The following SLC12A4 variants were observed in gnomAD, a reference collection of about 807,000 sequenced individuals.
SLC12A4 encodes solute carrier family 12 member 4.
A neutral mutation model predicts 119.2 loss-of-function variants in SLC12A4; 84 were observed. That is an observed-to-expected ratio of 0.70 (90% CI 0.59 to 0.85). The LOEUF is 0.85. Ranked by LOEUF, SLC12A4 falls within the 40% of genes least tolerant of loss-of-function variation. SLC12A4 has a pLI of 0.00. For missense variants in SLC12A4, 1,298 were observed against 1,476.3 expected (o/e 0.88, Z 1.98); for synonymous variants, 599 against 604.6 (o/e 0.99, Z 0.14).
rs780567710 is a variant in SLC12A4, at chr16:67,950,029, C to T, written c.1630-111G>A. Reference sequence around the variant, plus strand: ...CAGGGCCCGCCTTGGGGGCTCAGGCCGCCCCTGTGTCTATCCCTATGGGTG... The same window carrying T: ...CAGGGCCCGCCTTGGGGGCTCAGGCTGCCCCTGTGTCTATCCCTATGGGTG... On this transcript the variant is annotated intron_variant, in intron 12 of 23. Coordinates refer to ENST00000316341, the MANE Select transcript of SLC12A4 (RefSeq NM_005072.5). This position sits in a 1 kb window ranked among gnomAD's most constrained non-coding sequence, Gnocchi z 4.3. The T allele has an allele frequency of 9.4e-6, 8 of 849,064 alleles. No homozygotes were observed. Among genetic ancestry groups the T allele is most frequent in the South Asian group, 1.5e-5 (1 of 68,414 alleles). The allele number at this position is 849,064 out of a possible 1,614,324, so 52.6% of individuals were successfully genotyped here.
At chr16:67,948,039 C>G (rs369899736) in intron 14 of SLC12A4, 22 bp downstream of exon 14, 8 of 1,610,942 alleles carry the variant, frequency 5.0e-6, no homozygotes, top group Middle Eastern at 3.3e-4. Context: ...CCAGGGTCTC[C>G]CGTGTCAGAG....
Position 67,944,995 on chromosome 16 carries a change from A to C in SLC12A4, c.3167-64T>G. 6.2e-7 allele frequency: 1 copy of C among 1,610,132 alleles called. No homozygotes were observed. Among genetic ancestry groups the C allele is most frequent in the African/African-American group, 1.3e-5 (1 of 74,988 alleles). On this transcript the variant is annotated intron_variant, in intron 23 of 23. Coordinates refer to ENST00000316341, the MANE Select transcript of SLC12A4 (RefSeq NM_005072.5). The surrounding 1 kb of genome is among the most constrained non-coding windows in gnomAD (Gnocchi z 6.6). ...ACGGGCAACCCGGGCCACCTGGGCCATGCCCACCCAGGGGTGCCCAGGAGA... is the reference window on the plus strand; with the variant it reads ...ACGGGCAACCCGGGCCACCTGGGCCCTGCCCACCCAGGGGTGCCCAGGAGA...
chr16:67,953,879 T>C (rs749090103), intron 6 of SLC12A4, among the ~76,000 whole-genome samples: 16 of 152,086 alleles, frequency 1.1e-4, no homozygotes, highest in Non-Finnish European at 2.1e-4. Context: ...CATGGCTGAA[T>C]AGATAAACAG....
chr16:67,966,954 C>T (rs2030896029), intron 1 of SLC12A4: 8 of 1,372,306 alleles, frequency 5.8e-6, no homozygotes, highest in Admixed American at 2.8e-5. Context: ...AGCAGCTAGG[C>T]TCAGCTCTGC....
chr16:67,945,995 G>A lies in SLC12A4; in HGVS notation c.2695C>T (p.Leu899=). The A allele has an allele frequency of 1.9e-6, 3 of 1,614,132 alleles. No individual in the cohort carries two copies. Among genetic ancestry groups the A allele is most frequent in the Middle Eastern group, 1.6e-4 (1 of 6,062 alleles). Residue 899 remains leucine, a synonymous_variant, in exon 20 of 24, where the codon CTG becomes TTG. Transcript: ENST00000316341. ...TCGGCCTCAAGGCGCAGATGGTACA[G>A]AAAGACAGCCAGGTCCTTCTTCATC... ...IQMKKDLAVF[L]YHLRLEAEVE...
chr16:67,961,546 T>C (rs372821583), intron 3 of SLC12A4, 29 bp downstream of exon 3: 3 of 1,608,110 alleles, frequency 1.9e-6, no homozygotes, highest in Non-Finnish European at 2.5e-6. Context: ...TTCCCAGGTG[T>C]GGCCCCTCTG....
In SLC12A4 at chr16:67,950,507, C is replaced by T. The variant is rs749890767; in HGVS notation, c.1455-14G>A. The T allele has an allele frequency of 1.2e-6, 2 of 1,613,722 alleles. No homozygotes were observed. The highest frequency in any genetic ancestry group is 1.7e-5 in the Admixed American group (1 of 60,000). On this transcript the variant is annotated splice_polypyrimidine_tract_variant and intron_variant, in intron 11 of 23. Transcript: ENST00000316341. The surrounding 1 kb of genome is among the most constrained non-coding windows in gnomAD (Gnocchi z 4.3). The stretch of plus-strand genomic sequence containing the variant: ...CCATCGCCATACCTGCAGGGGCCAC[C>T]AGAGTGAGGGATGTCAGGGGTCCGG...
At chr16:67,954,814 T>C in intron 5 of SLC12A4, 41 bp from the exon 6 acceptor site, 1 of 1,612,120 alleles carries the variant, frequency 6.2e-7, no homozygotes, top group Non-Finnish European at 8.5e-7. Flanking sequence ...TCAAGGCTGG[T>C]TCTTCTTCAA....
chr16:67,947,303 C>T (rs763922261), intron 16 of SLC12A4, 28 bp downstream of exon 16: 8 of 1,603,808 alleles, frequency 5.0e-6, no homozygotes, highest in Non-Finnish European at 6.8e-6. Context: ...AACCTCTGCG[C>T]CCTGGCCAGG....
At position 67,949,772 on chromosome 16, in the gene SLC12A4, C is replaced by T; in HGVS notation, c.1748+28G>A. 6.7e-7 allele frequency: 1 copy of T among 1,498,822 alleles called. No individual in the cohort carries two copies. The highest frequency in any genetic ancestry group is 1.7e-4 in the Middle Eastern group (1 of 5,780). 92.8% of individuals were successfully genotyped at this position (1,498,822 alleles called of 1,614,324 possible). A position where few individuals can be genotyped will look rare whatever the true frequency, so the allele number is the denominator to read the frequency against. On this transcript the variant is annotated intron_variant, in intron 13 of 23. Coordinates refer to ENST00000316341, the MANE Select transcript of SLC12A4 (RefSeq NM_005072.5). The surrounding 1 kb of genome is among the most constrained non-coding windows in gnomAD (Gnocchi z 4.6). ...TGGGGTTCAGGAAGCCTTTCCCCATCCCCCTGCCCTGCCCGGCCCCAGCTC... is the reference window on the plus strand; with the variant it reads ...TGGGGTTCAGGAAGCCTTTCCCCATTCCCCTGCCCTGCCCGGCCCCAGCTC...
Position 67,952,716 on chromosome 16 carries a change from G to A in SLC12A4, c.676-291C>T, listed in dbSNP as rs549382455. 6.3e-3 allele frequency among the ~76,000 whole-genome samples: 962 copies of A among 152,066 alleles called. 11 individuals carry two copies. The highest frequency in any genetic ancestry group is 0.022 in the African/African-American group (917 of 41,452). ...AGGCAGGAGGATCGCCTGAATCCAG[G>A]AAGCAGAGGTTGCAGTGAGCAGAGA... On this transcript the variant is annotated intron_variant, in intron 6 of 23. Coordinates refer to ENST00000316341, the MANE Select transcript of SLC12A4 (RefSeq NM_005072.5).
rs774828713 is a variant in SLC12A4, at chr16:67,949,188, G to A, written c.1748+612C>T. Among the ~76,000 whole-genome samples the A allele has an allele frequency of 6.6e-6, 1 of 152,180 alleles. No individual in the cohort carries two copies. Among genetic ancestry groups the A allele is most frequent in the Non-Finnish European group, 1.5e-5 (1 of 68,040 alleles). On this transcript the variant is annotated intron_variant, in intron 13 of 23. Transcript: ENST00000316341. This position sits in a 1 kb window ranked among gnomAD's most constrained non-coding sequence, Gnocchi z 4.6. ...GGATGGGTTGGGCATGGTGGCTCACGCCTGTAATCCCAGCACTTTGGGAGG... is the reference window on the plus strand; with the variant it reads ...GGATGGGTTGGGCATGGTGGCTCACACCTGTAATCCCAGCACTTTGGGAGG...
At chr16:67,960,384 G>C (rs928264622) in intron 3 of SLC12A4, among the ~76,000 whole-genome samples, 1 of 152,258 alleles carries the variant, frequency 6.6e-6, no homozygotes, top group Middle Eastern at 3.4e-3. Flanking sequence ...GGCTGCACAG[G>C]GTCAGGGTCA....
At chr16:67,966,988 C>T in intron 1 of SLC12A4, 1 of 1,082,234 alleles carries the variant, frequency 9.2e-7, no homozygotes, top group Non-Finnish European at 1.3e-6. Flanking sequence ...CAGGCTGATC[C>T]TGGGGATGCA....
chr16:67,968,339 C>A, intron 1 of SLC12A4, 100 bp downstream of exon 1: 2 of 1,070,336 alleles, frequency 1.9e-6, no homozygotes. Flanking sequence ...CCGACGTGTG[C>A]GCGCAAGGTC....
intron 5 of SLC12A4, chr16:67,957,521 T>C (rs1056181276): frequency 5.1e-6 from 3 of 588,122 alleles, no homozygotes; most frequent in African/African-American, 3.7e-5. Context: ...CCCTTTTTTT[T>C]TCTTTTTTGG....
intron 5 of SLC12A4, among the ~76,000 whole-genome samples, chr16:67,956,512 C>T (rs560204930): frequency 6.6e-6 from 1 of 151,904 alleles, no homozygotes; most frequent in Non-Finnish European, 1.5e-5. Flanking sequence ...ATAGTGAAAC[C>T]TCGTCTCTAC....
Position 67,963,567 on chromosome 16 carries a change from G to T in SLC12A4, c.116-8C>A. The T allele has an allele frequency of 6.4e-7, 1 of 1,558,014 alleles. No homozygotes were observed. Among genetic ancestry groups the T allele is most frequent in the Non-Finnish European group, 8.6e-7 (1 of 1,156,934 alleles). ...CTCTGTGGTTGCCATGTCCTGTGAA[G>T]AGAGAGGGACAATCAGGGCCTGCTT... On this transcript the variant is annotated splice_polypyrimidine_tract_variant and splice_region_variant and intron_variant, in intron 1 of 23. Coordinates refer to ENST00000316341, the MANE Select transcript of SLC12A4 (RefSeq NM_005072.5).
In SLC12A4 at chr16:67,944,893, G is replaced by C; in HGVS notation, c.3205C>G (p.Arg1069Gly). ...FLEVLTEGLE[R>G]VLLVRGGGRE... ...CCACCACCGCGCACCAACAGCACCCGCTCAAGGCCCTCGGTCAGCACCTCG... is the reference window on the plus strand; with the variant it reads ...CCACCACCGCGCACCAACAGCACCCCCTCAAGGCCCTCGGTCAGCACCTCG... The change falls in exon 24 of 24, where the codon CGG becomes GGG. Residue 1069 changes from arginine (R) to glycine (G), a missense_variant. By Grantham distance (125) the Arg-to-Gly change is moderately radical. Coordinates refer to ENST00000316341, the MANE Select transcript of SLC12A4 (RefSeq NM_005072.5). This position sits in a 1 kb window ranked among gnomAD's most constrained non-coding sequence, Gnocchi z 6.6. 6.2e-7 allele frequency: 1 copy of C among 1,613,386 alleles called. No homozygotes were observed. The highest frequency in any genetic ancestry group is 8.5e-7 in the Non-Finnish European group (1 of 1,180,020).
Sources: allele counts gnomAD v4.1 joint callset (sites outside exome capture counted in the v4.1 genomes callset), GRCh38; gene constraint gnomAD v4.1.1; non-coding constraint Gnocchi (gnomAD v3.1); transcripts MANE v1.5; gene names NCBI Gene and HGNC (gene_info 2026-07-23, HGNC 2026-07-21).